Variants in SSBP2 observed in about 807,000 individuals in gnomAD.
SSBP2 encodes the protein single-stranded DNA-binding protein 2.
SSBP2 carries 17 observed loss-of-function variants against 61.8 expected under a neutral mutation model. That is an observed-to-expected ratio of 0.28 (90% CI 0.19 to 0.41). The LOEUF is 0.41. Among genes scored for constraint, SSBP2 ranks in the 10% least tolerant of loss-of-function variants. SSBP2 has a pLI of 1.00. For missense variants in SSBP2, 310 were observed against 458.7 expected, an observed-to-expected ratio of 0.68 and a Z score of 2.96; for synonymous variants, 139 against 141.3, an observed-to-expected ratio of 0.98 and a Z score of 0.12.
intron 8 of SSBP2, among the ~76,000 whole-genome samples, chr5:81,467,584 C>G (rs867501624): frequency 2.6e-5 from 4 of 151,986 alleles, no homozygotes; most frequent in African/African-American, 9.7e-5. Context: ...ATTCAAAATA[C>G]GTATGCATGA....
chr5:81,743,330 T>G (rs948787928), intron 1 of SSBP2, among the ~76,000 whole-genome samples: 1 of 152,218 alleles, frequency 6.6e-6, no homozygotes, highest in Non-Finnish European at 1.5e-5. Context: ...TTTCTATGGC[T>G]GATTCTTTCA....
At chr5:81,730,261 G>A (rs925151761) in intron 1 of SSBP2, among the ~76,000 whole-genome samples, 1 of 152,104 alleles carries the variant, frequency 6.6e-6, no homozygotes, top group African/African-American at 2.4e-5. Context: ...ATTTCGCTCT[G>A]TCGCCCAGGC....
At chr5:81,575,156 T>C (rs1406744245) in intron 4 of SSBP2, among the ~76,000 whole-genome samples, 1 of 152,122 alleles carries the variant, frequency 6.6e-6, no homozygotes, top group Non-Finnish European at 1.5e-5. Context: ...TAGTCCCAGC[T>C]ACTCGGGAGG....
At chr5:81,486,545 TTATATAA>T (rs1187879603) in intron 6 of SSBP2, among the ~76,000 whole-genome samples, 1 of 152,166 alleles carries the variant, frequency 6.6e-6, no homozygotes, top group Non-Finnish European at 1.5e-5. Flanking sequence ...CTTCCTAGAC[TTATATAA>T]TATACAAAGC....
At chr5:81,558,025 C>G (rs1295961186) in intron 4 of SSBP2, among the ~76,000 whole-genome samples, 1 of 152,140 alleles carries the variant, frequency 6.6e-6, no homozygotes. Context: ...TTTAAGATTT[C>G]TTAGATGGCA....
chr5:81,681,012 C>T (rs565390437), intron 1 of SSBP2, among the ~76,000 whole-genome samples: 1 of 152,210 alleles, frequency 6.6e-6, no homozygotes, highest in South Asian at 2.1e-4. Flanking sequence ...AGACAAACCA[C>T]ATTTGGGGCC....
At chr5:81,546,073 C>G (rs2973341) in intron 4 of SSBP2, among the ~76,000 whole-genome samples, 1 of 151,806 alleles carries the variant, frequency 6.6e-6, no homozygotes, top group African/African-American at 2.4e-5. Context: ...ACAAGCCTGG[C>G]TGATCAAGAA....
chr5:81,679,770 C>A (rs1408209035), intron 1 of SSBP2, among the ~76,000 whole-genome samples: 2 of 152,068 alleles, frequency 1.3e-5, no homozygotes, highest in Non-Finnish European at 2.9e-5. Context: ...ATGGTTAAGT[C>A]TTACAGGTCT....
chr5:81,447,923 A>T (rs1763507476), intron 11 of SSBP2: 1 of 152,210 alleles, frequency 6.6e-6, no homozygotes, highest in Non-Finnish European at 1.5e-5. Flanking sequence ...AACACTGAAC[A>T]CTAAGTTCAC....
At chr5:81,586,582 T>C (rs1015304652) in intron 4 of SSBP2, among the ~76,000 whole-genome samples, 3 of 151,570 alleles carry the variant, frequency 2.0e-5, no homozygotes, top group Non-Finnish European at 4.4e-5. Context: ...AATAGAACTT[T>C]TGGATGTTTT....
At chr5:81,426,043 T>C (rs1761932376) in intron 16 of SSBP2, among the ~76,000 whole-genome samples, 1 of 152,240 alleles carries the variant, frequency 6.6e-6, no homozygotes, top group African/African-American at 2.4e-5. Flanking sequence ...TGCATGTTCA[T>C]TTATTGAACA....
At chr5:81,478,541 G>C (rs1274116637) in intron 6 of SSBP2, among the ~76,000 whole-genome samples, 1 of 152,108 alleles carries the variant, frequency 6.6e-6, no homozygotes, top group South Asian at 2.1e-4. Flanking sequence ...GTTTCACCAT[G>C]TTGGCCAGGC....
chr5:81,557,131 T>C (rs1214814002), intron 4 of SSBP2, among the ~76,000 whole-genome samples: 1 of 152,156 alleles, frequency 6.6e-6, no homozygotes, highest in Non-Finnish European at 1.5e-5. Flanking sequence ...TCTAGGTTGA[T>C]GTTTGTTTCT....
At chr5:81,613,759 T>G (rs1382347478) in intron 4 of SSBP2, among the ~76,000 whole-genome samples, 1 of 152,182 alleles carries the variant, frequency 6.6e-6, no homozygotes, top group Non-Finnish European at 1.5e-5. Context: ...CATCTCTTAG[T>G]ATAAGGAAAA....
In SSBP2 at chr5:81,569,087, A is replaced by C. The variant is rs143710088; in HGVS notation, c.282+46386T>G. ...CTAATTTGGGTCTTAGAGCAAAAGA[A>C]TGGAAGGTCAGAAGGGGCAGGAAGT... On this transcript the variant is annotated intron_variant, in intron 4 of 16. Transcript: ENST00000320672. Among the ~76,000 whole-genome samples the C allele has an allele frequency of 1.8e-4, 27 of 152,340 alleles. No homozygotes were observed. The East Asian group carries it at 4.6e-3, about 26-fold the overall frequency.
At chr5:81,654,542 C>T (rs1750040833) in intron 1 of SSBP2, among the ~76,000 whole-genome samples, 1 of 152,180 alleles carries the variant, frequency 6.6e-6, no homozygotes, top group African/African-American at 2.4e-5. Flanking sequence ...ACATTTGCCA[C>T]TCCTTTCTTT....
intron 1 of SSBP2, among the ~76,000 whole-genome samples, chr5:81,661,151 T>C (rs545949589): frequency 1.2e-4 from 18 of 152,324 alleles, no homozygotes; most frequent in South Asian, 2.1e-4. Context: ...TCTGCACATG[T>C]ATCCTGGAAC....
intron 4 of SSBP2, among the ~76,000 whole-genome samples, chr5:81,588,971 G>GA (rs937008549): frequency 8.5e-5 from 13 of 152,216 alleles, no homozygotes; most frequent in Admixed American, 7.9e-4. Flanking sequence ...GGCTGAGGTG[G>GA]AAAAAACTCC....
At chr5:81,592,901 C>G (rs1743226234) in intron 4 of SSBP2, among the ~76,000 whole-genome samples, 1 of 152,100 alleles carries the variant, frequency 6.6e-6, no homozygotes, top group African/African-American at 2.4e-5. Flanking sequence ...AAAAACAGAG[C>G]AGAAAAACTG....
Sources: allele counts gnomAD v4.1 joint callset (sites outside exome capture counted in the v4.1 genomes callset), GRCh38; gene constraint gnomAD v4.1.1; transcripts MANE v1.5; gene names NCBI Gene and HGNC (gene_info 2026-07-23, HGNC 2026-07-21).